Variants in SOS2 observed in about 807,000 individuals in gnomAD.
The protein encoded by SOS2 is SOS Ras/Rho guanine nucleotide exchange factor 2, also known as son of sevenless homolog 2.
In SOS2, 65 loss-of-function variants were observed where a neutral mutation model predicts 148.2. The ratio of observed to expected loss-of-function variants is 0.44; its 90% CI spans 0.36 to 0.54. SOS2 has a LOEUF of 0.54. SOS2 is among the 20% of genes least tolerant of loss of function. The pLI, the probability that SOS2 is intolerant of heterozygous loss-of-function variation, is 0.00. For missense variants in SOS2, 1,341 were observed against 1,590.2 expected (o/e 0.84, Z 2.67); for synonymous variants, 539 against 537.1 (o/e 1.00, Z -0.05).
At chr14:50,154,330 T>C (rs1237296520) in intron 12 of SOS2, among the ~76,000 whole-genome samples, 3 of 152,200 alleles carry the variant, frequency 2.0e-5, no homozygotes, top group East Asian at 1.9e-4. Flanking sequence ...TCCAGCAGTA[T>C]GGCTAAGGCA....
intron 7 of SOS2, among the ~76,000 whole-genome samples, chr14:50,176,931 A>G (rs976779161): frequency 5.3e-5 from 8 of 152,196 alleles, no homozygotes; most frequent in Non-Finnish European, 7.3e-5. Flanking sequence ...GACTCCTTAA[A>G]CCCAAGAGGC....
chr14:50,180,890 G>C (rs868469104), intron 6 of SOS2, among the ~76,000 whole-genome samples: 5 of 151,784 alleles, frequency 3.3e-5, no homozygotes, highest in Admixed American at 1.3e-4. Context: ...GAAGAAGAAA[G>C]ATTTCTTTTC....
intron 5 of SOS2, among the ~76,000 whole-genome samples, chr14:50,185,962 C>T (rs79152527): frequency 2.7e-3 from 417 of 152,196 alleles, no homozygotes; most frequent in African/African-American, 9.7e-3. Context: ...ATTTGGTCTG[C>T]TAATACCCAG....
intron 4 of SOS2, among the ~76,000 whole-genome samples, chr14:50,198,229 A>AGCAGAATG (rs1283277744): frequency 2.6e-5 from 4 of 152,124 alleles, no homozygotes; most frequent in Non-Finnish European, 5.9e-5. Flanking sequence ...GTGGTAATGT[A>AGCAGAATG]GCAGAATGTT....
At chr14:50,169,989 A>T (rs1885308563) in intron 8 of SOS2, among the ~76,000 whole-genome samples, 1 of 152,076 alleles carries the variant, frequency 6.6e-6, no homozygotes, top group African/African-American at 2.4e-5. Flanking sequence ...GTACTGACGT[A>T]AACATGGCTC....
intron 10 of SOS2, among the ~76,000 whole-genome samples, chr14:50,159,180 ACT>A (rs1287882070): frequency 1.3e-5 from 2 of 151,612 alleles, no homozygotes; most frequent in South Asian, 2.1e-4. Context: ...ACAGAGCAAG[ACT>A]CTGTCTCAAA....
intron 8 of SOS2, 89 bp from the exon 9 acceptor site, chr14:50,161,698 A>G: frequency 8.4e-7 from 1 of 1,183,714 alleles, no homozygotes; most frequent in East Asian, 2.4e-5. Flanking sequence ...AACAAATATT[A>G]TCAACTCTAA....
intron 7 of SOS2, among the ~76,000 whole-genome samples, chr14:50,178,664 GTGTGTGCATA>G (rs1885607471): frequency 1.9e-4 from 3 of 15,824 alleles, no homozygotes; most frequent in African/African-American, 6.1e-4. Context: ...GTGTGTGTGT[GTGTGTGCATA>G]TATATATATA....
At chr14:50,210,555 T>C (rs1886835129) in intron 1 of SOS2, among the ~76,000 whole-genome samples, 1 of 152,140 alleles carries the variant, frequency 6.6e-6, no homozygotes, top group African/African-American at 2.4e-5. Flanking sequence ...TATTAAACTT[T>C]AAAATTTAGG....
intron 19 of SOS2, among the ~76,000 whole-genome samples, chr14:50,131,782 T>C (rs571887454): frequency 1.1e-4 from 16 of 152,198 alleles, no homozygotes; most frequent in Non-Finnish European, 1.8e-4. Flanking sequence ...TACAAATTGA[T>C]AACTCATTTT....
chr14:50,190,251 G>C (rs771911949), intron 4 of SOS2, among the ~76,000 whole-genome samples: 2 of 152,086 alleles, frequency 1.3e-5, no homozygotes, highest in African/African-American at 2.4e-5. Context: ...TACCCAGAGA[G>C]TTCAGCATAA....
At chr14:50,198,723 A>G (rs547837250) in intron 4 of SOS2, among the ~76,000 whole-genome samples, 3 of 152,354 alleles carry the variant, frequency 2.0e-5, no homozygotes, top group African/African-American at 4.8e-5. Context: ...CACCCGTGCT[A>G]AAGTTCATTA....
chr14:50,208,422 CG>C (rs950191542), intron 1 of SOS2, among the ~76,000 whole-genome samples: 1 of 152,048 alleles, frequency 6.6e-6, no homozygotes, highest in Admixed American at 6.6e-5. Context: ...GAGGCTGAGA[CG>C]GGGGGATCAC....
chr14:50,213,613 G>A (rs1886954521), intron 1 of SOS2, among the ~76,000 whole-genome samples: 1 of 152,036 alleles, frequency 6.6e-6, no homozygotes, highest in Non-Finnish European at 1.5e-5. Flanking sequence ...GGAGGTTGAG[G>A]TGAGTGGAGA....
At chr14:50,220,218 G>A (rs963776583) in intron 1 of SOS2, among the ~76,000 whole-genome samples, 1 of 150,188 alleles carries the variant, frequency 6.7e-6, no homozygotes, top group African/African-American at 2.5e-5. Context: ...GGCTAACATG[G>A]TGAAACCCCA....
chr14:50,200,029 T>G (rs1296532254), intron 3 of SOS2, among the ~76,000 whole-genome samples, 174 bp from the exon 4 acceptor site: 2 of 152,216 alleles, frequency 1.3e-5, no homozygotes, highest in Non-Finnish European at 2.9e-5. Context: ...TTAGGGGATT[T>G]TTTTTCTTTT....
At chr14:50,164,582 G>A (rs1885114080) in intron 8 of SOS2, among the ~76,000 whole-genome samples, 1 of 151,586 alleles carries the variant, frequency 6.6e-6, no homozygotes, top group Non-Finnish European at 1.5e-5. Flanking sequence ...AGTAAGCCAA[G>A]ATAGCACCAC....
At chr14:50,218,447 C>T (rs1440338200) in intron 1 of SOS2, among the ~76,000 whole-genome samples, 17 of 151,528 alleles carry the variant, frequency 1.1e-4, no homozygotes, top group African/African-American at 3.6e-4. Context: ...CGCTCGAACC[C>T]GGAAGGCGGA....
chr14:50,147,499 G>T (rs1248472810), intron 14 of SOS2, among the ~76,000 whole-genome samples: 1 of 128,012 alleles, frequency 7.8e-6, no homozygotes, highest in Non-Finnish European at 1.6e-5. Flanking sequence ...GCAACAGAGT[G>T]AGACCCTGTT....
Sources: gnomAD v4.1 joint callset for allele counts (sites outside exome capture counted in the v4.1 genomes callset) on GRCh38, gnomAD v4.1.1 for gene constraint, MANE v1.5 for transcripts, NCBI Gene and HGNC (gene_info 2026-07-23, HGNC 2026-07-21) for gene names.